The following FHL1 variants were observed in gnomAD, a reference collection of about 807,000 sequenced individuals.
FHL1 encodes the protein four and a half LIM domains 1.
Under a neutral mutation model 20.3 loss-of-function variants are expected in FHL1, and 1 was observed. The ratio of observed to expected loss-of-function variants is 0.05; its 90% CI spans 0.02 to 0.23. The LOEUF (loss-of-function observed/expected upper bound fraction) is 0.23. Among genes scored for constraint, FHL1 ranks in the 10% least tolerant of loss-of-function variants. FHL1 has a pLI of 1.00. For synonymous variants in FHL1, 82 were observed against 88.9 expected (o/e 0.92, Z 0.44); for missense variants, 177 against 234.0 (o/e 0.76, Z 1.59).
At chrX:136,167,723 C>G (rs2072750917), upstream of FHL1, 1 of 111,478 alleles carries the variant, frequency 9.0e-6, no homozygotes, top group Admixed American at 9.5e-5. Context: ...GAGGAACAGA[C>G]AGAGAGATGG....
At chrX:136,207,406 C>T (rs758897103) in intron 3 of FHL1, 1 of 443,720 alleles carries the variant, frequency 2.3e-6, no homozygotes, top group Non-Finnish European at 3.9e-6. Flanking sequence ...CGAGAACAGC[C>T]TGTGGCAACA....
intron 1 of FHL1, among the ~76,000 whole-genome samples, chrX:136,151,240 C>T (rs1464408215): frequency 1.8e-5 from 2 of 111,155 alleles, no homozygotes; most frequent in African/African-American, 6.5e-5. Context: ...TATCCAACAG[C>T]GCATAGGGCA....
intron 1 of FHL1, among the ~76,000 whole-genome samples, chrX:136,149,602 A>G (rs1158875582): frequency 8.9e-6 from 1 of 111,863 alleles, no homozygotes; most frequent in Non-Finnish European, 1.9e-5. Context: ...ATTCTAGGCT[A>G]CCATTCCCAT....
chrX:136,157,706 G>A (rs1010526693), intron 1 of FHL1, among the ~76,000 whole-genome samples: 1 of 111,050 alleles, frequency 9.0e-6, no homozygotes, highest in African/African-American at 3.3e-5. Flanking sequence ...TTGAAAGTTT[G>A]TGGATCTTCC....
upstream of FHL1, among the ~76,000 whole-genome samples, chrX:136,193,123 A>G (rs892185442): frequency 1.8e-5 from 2 of 111,000 alleles, no homozygotes; most frequent in Non-Finnish European, 3.8e-5. Flanking sequence ...CCACGGAGAA[A>G]TCCACAAAGA....
upstream of FHL1, chrX:136,146,796 C>G (rs373196470): frequency 3.0e-6 from 1 of 329,726 alleles, no homozygotes. Flanking sequence ...AGACGCCACG[C>G]GCCGCTTTGC....
intron 2 of FHL1, among the ~76,000 whole-genome samples, chrX:136,188,716 G>A (rs781128895): frequency 1.8e-5 from 2 of 110,840 alleles, no homozygotes; most frequent in Admixed American, 1.9e-4. Flanking sequence ...TGCTTTAGCC[G>A]GAGTTCATCT....
intron 1 of FHL1, among the ~76,000 whole-genome samples, chrX:136,201,926 G>A (rs2073720905): frequency 8.9e-6 from 1 of 112,463 alleles, no homozygotes; most frequent in Non-Finnish European, 1.9e-5. Flanking sequence ...ATAGGTCAAG[G>A]CAGACATATC....
chrX:136,151,556 A>T lies in FHL1; in HGVS notation c.-101+3928A>T, dbSNP rs775003751. 5.4e-5 allele frequency among the ~76,000 whole-genome samples: 6 copies of T among 111,644 alleles called. No homozygotes were observed. The East Asian group carries it at 1.7e-3, about 32-fold the overall frequency. ...GCAAAATCCTGTCTCTACTAAAAAT[A>T]CAAAGAATTAGCCGGGTGTGGTGGT... On this transcript the variant is annotated intron_variant, in intron 1 of 7. Transcript: ENST00000394155.
At position 136,158,383 on chromosome X, in the gene FHL1, C is replaced by T. The variant is rs777941856; in HGVS notation, c.-101+10755C>T. ...AAAATCCAAGTGTCAAAAAATATCT[C>T]GCTGGCTCTCTGTTCTGTTGCTATT... On this transcript the variant is annotated intron_variant, in intron 1 of 7. Coordinates refer to the FHL1 transcript ENST00000394155. Among the ~76,000 whole-genome samples, 8 of 111,953 alleles carry T rather than the reference C, an allele frequency of 7.1e-5. No homozygotes were observed. In the East Asian group the frequency reaches 1.4e-3, roughly 20 times the overall value.
chrX:136,193,531 C>A (rs894840357), upstream of FHL1, among the ~76,000 whole-genome samples: 4 of 111,633 alleles, frequency 3.6e-5, no homozygotes, highest in Non-Finnish European at 7.5e-5. Context: ...AGAAGAAACT[C>A]ATTGTGAAGT....
chrX:136,184,076 G>T (rs1603258882), intron 2 of FHL1, among the ~76,000 whole-genome samples: 1 of 111,684 alleles, frequency 9.0e-6, no homozygotes, highest in Non-Finnish European at 1.9e-5. Context: ...ACTCTGGAGG[G>T]AATTGATATT....
intron 2 of FHL1, among the ~76,000 whole-genome samples, chrX:136,191,313 C>T (rs1258057762): frequency 8.9e-6 from 1 of 112,473 alleles, no homozygotes; most frequent in Non-Finnish European, 1.9e-5. Flanking sequence ...TGTTGGCCTT[C>T]GGGGAAACTT....
chrX:136,209,848 C>G, intron 5 of FHL1, 23 bp from the exon 6 acceptor site: 2 of 1,204,803 alleles, frequency 1.7e-6, no homozygotes, highest in Non-Finnish European at 2.2e-6. Flanking sequence ...GTTTTCTTTT[C>G]TTTTCTTTTT....
At chrX:136,148,349 G>C (rs1232502571) in intron 1 of FHL1, 1 of 91,065 alleles carries the variant, frequency 1.1e-5, no homozygotes, top group Non-Finnish European at 2.2e-5. Flanking sequence ...AAGGAGGGAG[G>C]GGGAGGGCCC....
At chrX:136,205,137 CAT>C (rs1411258970) in intron 1 of FHL1, among the ~76,000 whole-genome samples, 1 of 111,110 alleles carries the variant, frequency 9.0e-6, no homozygotes, top group Non-Finnish European at 1.9e-5. Flanking sequence ...AACAAATTAG[CAT>C]ATGTTTAAAG....
chrX:136,209,835 CTT>C (rs771639876), intron 5 of FHL1, 34 bp from the exon 6 acceptor site: 16 of 1,192,912 alleles, frequency 1.3e-5, no homozygotes, highest in South Asian at 1.8e-5. Context: ...AGCTGTTTCT[CTT>C]GTTTTCTTTT....
chrX:136,196,288 A>G (rs1250093088), upstream of FHL1, among the ~76,000 whole-genome samples: 2 of 112,128 alleles, frequency 1.8e-5, no homozygotes, highest in African/African-American at 3.2e-5. Flanking sequence ...ACATGCTCCT[A>G]ATAGCCAGCC....
At chrX:136,151,297 C>T (rs887490751) in intron 1 of FHL1, among the ~76,000 whole-genome samples, 3 of 112,878 alleles carry the variant, frequency 2.7e-5, no homozygotes, top group Non-Finnish European at 3.7e-5. Context: ...GTCGATATGC[C>T]GAGGTTGATG....
Sources: gnomAD v4.1 joint callset for allele counts (sites outside exome capture counted in the v4.1 genomes callset) on GRCh38, gnomAD v4.1.1 for gene constraint, MANE v1.5 for transcripts, NCBI Gene and HGNC (gene_info 2026-07-23, HGNC 2026-07-21) for gene names.